COX10: variants seen among roughly 807,000 people sequenced by gnomAD.
COX10 encodes the protein protoheme IX farnesyltransferase, mitochondrial.
COX10 carries 27 observed loss-of-function variants against 37.3 expected under a neutral mutation model. The observed-to-expected ratio is 0.72, with a 90% CI of 0.53 to 1.00. The LOEUF is 1.00. Among genes scored for constraint, COX10 ranks in the 50% least tolerant of loss-of-function variants. The pLI is 0.00. For synonymous variants in COX10, 222 were observed against 229.1 expected (o/e 0.97, Z 0.28); for missense variants, 475 against 563.2 (o/e 0.84, Z 1.59).
At chr17:14,156,584 C>G (rs895495007) in intron 4 of COX10, among the ~76,000 whole-genome samples, 1 of 152,142 alleles carries the variant, frequency 6.6e-6, no homozygotes, top group Non-Finnish European at 1.5e-5. Context: ...CTTAATCAGT[C>G]TGCTGTGTTG....
intron 5 of COX10, among the ~76,000 whole-genome samples, chr17:14,179,721 T>G (rs79488489): frequency 0.23 from 35,192 of 151,460 alleles, 5,106 homozygotes; most frequent in Admixed American, 0.32. Context: ...TTTTGAATTA[T>G]CTATTTTCCA....
chr17:14,077,071 T>C lies in COX10; in HGVS notation c.499+15T>C. The stretch of plus-strand genomic sequence containing the variant: ...CAAACTCACAGGTACTTTGTTTTTC[T>C]GATATACTTACTTATTTGAAACTCT... On this transcript the variant is annotated intron_variant, in intron 3 of 6. Coordinates refer to ENST00000261643, the MANE Select transcript of COX10 (RefSeq NM_001303.4). 1 of 1,611,868 alleles carries C rather than the reference T, an allele frequency of 6.2e-7. No individual in the cohort carries two copies. Among genetic ancestry groups the C allele is most frequent in the Non-Finnish European group, 8.5e-7 (1 of 1,178,466 alleles).
At chr17:14,189,124 A>G (rs953706491) in intron 5 of COX10, among the ~76,000 whole-genome samples, 1 of 117,866 alleles carries the variant, frequency 8.5e-6, no homozygotes, top group Non-Finnish European at 1.8e-5. Context: ...TCTTGATCCC[A>G]TTTGTTTAAA....
In COX10 at chr17:14,069,515, AG is replaced by A. The variant is rs879195393; in HGVS notation, c.-85del. 116 of 1,506,448 alleles carry A rather than the reference AG, an allele frequency of 7.7e-5. 1 individual carries two copies. The South Asian group carries it at 1.0e-3, about 14-fold the overall frequency. The allele number at this position is 1,506,448 out of a possible 1,614,324, so 93.3% of individuals were successfully genotyped here. A position where few individuals can be genotyped will look rare whatever the true frequency, so the allele number is the denominator to read the frequency against. On this transcript the variant is annotated 5_prime_UTR_variant, in exon 1 of 7. Transcript: ENST00000261643. ...AGTGGCGGCCCGGAACTACTCCCAC[AG>A]GGGGGCGGGGAAGGAAGATGGCGGC...
intron 4 of COX10, among the ~76,000 whole-genome samples, chr17:14,130,063 G>C (rs1444207362): frequency 1.3e-5 from 2 of 152,168 alleles, no homozygotes; most frequent in African/African-American, 2.4e-5. Flanking sequence ...CCCAGTGCCA[G>C]CCTGGAGTTT....
At chr17:14,074,531 T>C in intron 2 of COX10, 75 bp downstream of exon 2, 1 of 1,391,434 alleles carries the variant, frequency 7.2e-7, no homozygotes, top group South Asian at 1.2e-5. Flanking sequence ...GAAATTCCTA[T>C]TTAATTAAAG....
At chr17:14,158,153 A>G (rs1396364620) in intron 4 of COX10, among the ~76,000 whole-genome samples, 2 of 152,090 alleles carry the variant, frequency 1.3e-5, no homozygotes, top group Non-Finnish European at 2.9e-5. Flanking sequence ...TGAAGTGACT[A>G]TAGTAACCTG....
chr17:14,172,532 T>C (rs1905505629), intron 5 of COX10, among the ~76,000 whole-genome samples: 1 of 152,040 alleles, frequency 6.6e-6, no homozygotes, highest in South Asian at 2.1e-4. Context: ...TTGAGCATTT[T>C]CTCGTATACC....
rs760154279 is a variant in COX10 at position 14,207,202 on chromosome 17, C to T, written c.1321C>T (p.Pro441Ser). ...RPSGGGDAGP[P>S]PS ...GAGCGGAGGCGGGGACGCAGGGCCC[C>T]CTCCCAGCTGAGAGCACTGGGACGC... Residue 441 changes from proline (P) to serine (S), a missense_variant, in exon 7 of 7, where the codon CCT (proline) becomes TCT (serine). This residue lies in a region of COX10 where 160 missense variants were observed against 180.6 expected (regional missense o/e 0.89). Coordinates refer to ENST00000261643, the MANE Select transcript of COX10 (RefSeq NM_001303.4). 6 of 1,594,584 alleles carry T rather than the reference C, an allele frequency of 3.8e-6. No homozygotes were observed. Among genetic ancestry groups the T allele is most frequent in the Non-Finnish European group, 5.1e-6 (6 of 1,173,314 alleles).
chr17:14,206,919 G>T lies in COX10; in HGVS notation c.1038G>T (p.Ser346=), dbSNP rs2230355. 2.5e-6 allele frequency: 4 copies of T among 1,613,624 alleles called. No homozygotes were observed. The highest frequency in any genetic ancestry group is 3.4e-6 in the Non-Finnish European group (4 of 1,179,892). The change falls in exon 7 of 7, where the codon TCG becomes TCT. Residue 346 remains serine, a synonymous_variant. Transcript: ENST00000261643. ...CCCGGGGCGGCTACTGCATGATGTCGGTCACCCACCCGGGCCTGTGCCGGC... is the reference window on the plus strand; with the variant it reads ...CCCGGGGCGGCTACTGCATGATGTCTGTCACCCACCCGGGCCTGTGCCGGC... ...DYSRGGYCMM[S]VTHPGLCRRV... is the part of the protein sequence containing the mutation.
intron 4 of COX10, among the ~76,000 whole-genome samples, chr17:14,153,879 T>C (rs1357432963): frequency 6.6e-6 from 1 of 152,156 alleles, no homozygotes; most frequent in Non-Finnish European, 1.5e-5. Context: ...AAAAACCAAA[T>C]ATCCATCAGC....
At chr17:14,092,963 C>T (rs918653047) in intron 3 of COX10, among the ~76,000 whole-genome samples, 12 of 152,168 alleles carry the variant, frequency 7.9e-5, no homozygotes, top group African/African-American at 2.9e-4. Flanking sequence ...CTTGGGCACA[C>T]ACATAAACAA....
At chr17:14,116,302 C>T (rs919920682) in intron 4 of COX10, among the ~76,000 whole-genome samples, 24 of 152,022 alleles carry the variant, frequency 1.6e-4, no homozygotes, top group African/African-American at 5.6e-4. Flanking sequence ...AAGTTGCCAG[C>T]CATCCTGAGT....
In COX10 at chr17:14,192,151, G is replaced by T. The variant is rs773064168; in HGVS notation, c.858G>T (p.Trp286Cys). Residue 286 changes from tryptophan (W) to cysteine (C), a missense_variant, in exon 6 of 7, where the codon TGG becomes TGT. Trp to Cys is a radical substitution (Grantham distance 215). Coordinates refer to ENST00000261643, the MANE Select transcript of COX10 (RefSeq NM_001303.4). ...PLKRISIANT[W>C]VGAVVGAIPP... ...AAAGGATCAGCATTGCCAACACATG[G>T]GTCGGAGCTGTGGTTGGGGCCATCC... The T allele has an allele frequency of 6.2e-7, 1 of 1,614,158 alleles. No individual in the cohort carries two copies. Among genetic ancestry groups the T allele is most frequent in the Non-Finnish European group, 8.5e-7 (1 of 1,180,062 alleles).
At chr17:14,078,700 C>T (rs934707232) in intron 3 of COX10, among the ~76,000 whole-genome samples, 1 of 152,130 alleles carries the variant, frequency 6.6e-6, no homozygotes, top group African/African-American at 2.4e-5. Flanking sequence ...TCATGCTGCC[C>T]AGCGTTGCCA....
chr17:14,207,409 C>T lies in COX10; in HGVS notation c.*196C>T. ...TCCCCAAATAAGAAATGCATCAGCT[C>T]AGTCAGTGAATACAAAAAAGGAATT... On this transcript the variant is annotated 3_prime_UTR_variant, in exon 7 of 7. Transcript: ENST00000261643. 1 of 694,440 alleles carries T rather than the reference C, an allele frequency of 1.4e-6. No individual in the cohort carries two copies. Among genetic ancestry groups the T allele is most frequent in the Non-Finnish European group, 2.3e-6 (1 of 435,558 alleles). 43.0% of individuals were successfully genotyped at this position (694,440 alleles called of 1,614,324 possible).
chr17:14,163,093 G>A (rs187488381), intron 5 of COX10, among the ~76,000 whole-genome samples: 4 of 152,216 alleles, frequency 2.6e-5, no homozygotes, highest in East Asian at 1.9e-4. Context: ...AATCATGTGC[G>A]TGTTAGGATA....
At chr17:14,093,020 C>T (rs1026730883) in intron 3 of COX10, among the ~76,000 whole-genome samples, 8 of 152,112 alleles carry the variant, frequency 5.3e-5, no homozygotes, top group Non-Finnish European at 8.8e-5. Flanking sequence ...CAGCTTTCCA[C>T]GTTAAACAGC....
chr17:14,072,117 A>T (rs566492634), intron 1 of COX10, among the ~76,000 whole-genome samples: 1 of 152,302 alleles, frequency 6.6e-6, no homozygotes, highest in Admixed American at 6.5e-5. Context: ...CTAGGCACTG[A>T]TTCATAAAAA....
Sources: gnomAD v4.1 joint callset for allele counts (sites outside exome capture counted in the v4.1 genomes callset) on GRCh38, gnomAD v4.1.1 for gene constraint, gnomAD v4.1.1 regional missense constraint, MANE v1.5 for transcripts, NCBI Gene and HGNC (gene_info 2026-07-23, HGNC 2026-07-21) for gene names.